The following HS6ST3 variants were observed in gnomAD, a reference collection of about 807,000 sequenced individuals.
HS6ST3 encodes the protein heparan-sulfate 6-O-sulfotransferase 3.
Under a neutral mutation model 36.7 loss-of-function variants are expected in HS6ST3, and 12 were observed. The ratio of observed to expected loss-of-function variants is 0.33; its 90% CI spans 0.21 to 0.53. HS6ST3 has a LOEUF of 0.53. Ranked by LOEUF, HS6ST3 falls within the 20% of genes least tolerant of loss-of-function variation. The pLI, the probability that HS6ST3 is intolerant of heterozygous loss-of-function variation, is 0.95. For synonymous variants in HS6ST3, 240 were observed against 257.5 expected (o/e 0.93, Z 0.65); for missense variants, 584 against 640.9 (o/e 0.91, Z 0.96).
intron 1 of HS6ST3, among the ~76,000 whole-genome samples, chr13:96,431,448 C>T (rs2055615403): frequency 6.6e-6 from 1 of 152,146 alleles, no homozygotes; most frequent in South Asian, 2.1e-4. Flanking sequence ...TGGTTTTAAC[C>T]TTTCCCTCCC....
chr13:96,739,095 T>A (rs1389242527), intron 1 of HS6ST3, among the ~76,000 whole-genome samples: 10 of 152,016 alleles, frequency 6.6e-5, no homozygotes, highest in African/African-American at 9.7e-5. Flanking sequence ...ACATTTTTTT[T>A]TTCTTCCCCT....
At chr13:96,496,401 C>T (rs529259283) in intron 1 of HS6ST3, among the ~76,000 whole-genome samples, 3 of 152,200 alleles carry the variant, frequency 2.0e-5, no homozygotes, top group South Asian at 4.1e-4. Context: ...ATCTGTATTC[C>T]GTCTTCCTGA....
chr13:96,351,335 T>TTTTTTTTTTA (rs1203595829), intron 1 of HS6ST3, among the ~76,000 whole-genome samples: 4 of 146,366 alleles, frequency 2.7e-5, no homozygotes, highest in East Asian at 2.0e-4. Context: ...TTTTTTTTTT[T>TTTTTTTTTTA]AAAAAAAACA....
chr13:96,638,865 T>TAA (rs59880862), intron 1 of HS6ST3, among the ~76,000 whole-genome samples: 6 of 149,212 alleles, frequency 4.0e-5, no homozygotes, highest in African/African-American at 1.5e-4. Context: ...TGTGGAGAAT[T>TAA]AAAAAAAAAA....
At chr13:96,117,801 T>C (rs1422417481) in intron 1 of HS6ST3, among the ~76,000 whole-genome samples, 5 of 152,106 alleles carry the variant, frequency 3.3e-5, no homozygotes, top group African/African-American at 9.7e-5. Context: ...GACATTGTTA[T>C]GGGCTGAATC....
chr13:96,091,489 C>A lies in HS6ST3; in HGVS notation c.627C>A (p.His209Gln). Reference protein sequence around the residue: ...RFSTGWSCGLHADWTELTNCV... With the variant: ...RFSTGWSCGLQADWTELTNCV... ...CCACCGGCTGGAGCTGCGGGCTGCA[C>A]GCCGACTGGACGGAGCTCACCAACT... The change falls in exon 1 of 2, where the codon CAC (histidine) becomes CAA (glutamine). Residue 209 changes from histidine to glutamine, a missense_variant. By Grantham distance (24) the His-to-Gln change is conservative (BLOSUM62 0). Coordinates refer to ENST00000376705, the MANE Select transcript of HS6ST3 (RefSeq NM_153456.4). 1 of 1,603,186 alleles carries A rather than the reference C, an allele frequency of 6.2e-7. No homozygotes were observed. The highest frequency in any genetic ancestry group is 8.5e-7 in the Non-Finnish European group (1 of 1,176,652).
At chr13:96,274,316 A>G (rs1328766009) in intron 1 of HS6ST3, among the ~76,000 whole-genome samples, 1 of 151,952 alleles carries the variant, frequency 6.6e-6, no homozygotes, top group Non-Finnish European at 1.5e-5. Flanking sequence ...AGCTTGGAAA[A>G]ATGTCAACCT....
chr13:96,090,450 A>C lies in HS6ST3; in HGVS notation c.-413A>C, dbSNP rs923870517. ...ATGCAGCCCCGGCGCTCGCGGCCGC[A>C]GCTACCCGGCTGCCCGGCTGCGCGC... On this transcript the variant is annotated 5_prime_UTR_variant, in exon 1 of 2. Coordinates refer to ENST00000376705, the MANE Select transcript of HS6ST3 (RefSeq NM_153456.4). Among the ~76,000 whole-genome samples the C allele has an allele frequency of 6.8e-6, 1 of 146,202 alleles. No individual in the cohort carries two copies. Among genetic ancestry groups the C allele is most frequent in the African/African-American group, 2.5e-5 (1 of 40,782 alleles).
chr13:96,257,706 A>G (rs1435579232), intron 1 of HS6ST3, among the ~76,000 whole-genome samples: 2 of 152,228 alleles, frequency 1.3e-5, no homozygotes, highest in Non-Finnish European at 2.9e-5. Context: ...GCTTCTACAT[A>G]TAATCAGGTA....
chr13:96,408,112 G>A (rs1000882304), intron 1 of HS6ST3, among the ~76,000 whole-genome samples: 1 of 152,028 alleles, frequency 6.6e-6, no homozygotes, highest in African/African-American at 2.4e-5. Context: ...GCTAATTTTT[G>A]CATTTTTAGT....
Position 96,249,632 on chromosome 13 carries a change from T to C in HS6ST3, c.707+158063T>C, listed in dbSNP as rs140677574. ...TCTCCCCAGTATAATCTGCTACATA[T>C]ACAATAGCTTTCTGTAGGTGAATCT... On this transcript the variant is annotated intron_variant, in intron 1 of 1. Transcript: ENST00000376705. Among the ~76,000 whole-genome samples the C allele has an allele frequency of 9.9e-3, 1,504 of 152,254 alleles. 5 individuals are homozygous for C. Among genetic ancestry groups the C allele is most frequent in the Non-Finnish European group, 0.017 (1,123 of 68,000 alleles).
chr13:96,593,275 C>T (rs1449107041), intron 1 of HS6ST3, among the ~76,000 whole-genome samples: 5 of 142,844 alleles, frequency 3.5e-5, no homozygotes, highest in African/African-American at 1.3e-4. Flanking sequence ...CCTCTGCCTC[C>T]TGGGATCAAG....
chr13:96,439,298 T>C (rs554831135), intron 1 of HS6ST3, among the ~76,000 whole-genome samples: 1 of 152,212 alleles, frequency 6.6e-6, no homozygotes, highest in African/African-American at 2.4e-5. Flanking sequence ...CCAGATGATA[T>C]GTGTATTTCT....
At chr13:96,505,916 C>T (rs2056024312) in intron 1 of HS6ST3, among the ~76,000 whole-genome samples, 1 of 152,090 alleles carries the variant, frequency 6.6e-6, no homozygotes, top group South Asian at 2.1e-4. Context: ...TAAAAGCAAT[C>T]TGTTGGTTCA....
chr13:96,687,530 C>T (rs1049573567), intron 1 of HS6ST3, among the ~76,000 whole-genome samples: 1 of 151,772 alleles, frequency 6.6e-6, no homozygotes, highest in Non-Finnish European at 1.5e-5. Context: ...AAATGAAGGG[C>T]AGAAATGATT....
rs1472337372 is a variant in HS6ST3, at chr13:96,091,269, G to T, written c.407G>T (p.Arg136Leu). Reference sequence around the variant, plus strand: ...AACTTCAGCCTGAAGGACCTGACCCGCTTCGTGGATTTCAACATCAAAGGG... The same window carrying T: ...AACTTCAGCCTGAAGGACCTGACCCTCTTCGTGGATTTCAACATCAAAGGG... ...RFNFSLKDLT[R>L]FVDFNIKGRD... The change falls in exon 1 of 2, where the codon CGC becomes CTC. Residue 136 changes from arginine to leucine, a missense_variant. Transcript: ENST00000376705. 6.2e-7 allele frequency: 1 copy of T among 1,611,456 alleles called. No individual in the cohort carries two copies. Among genetic ancestry groups the T allele is most frequent in the African/African-American group, 1.3e-5 (1 of 74,812 alleles).
intron 1 of HS6ST3, among the ~76,000 whole-genome samples, chr13:96,812,397 T>C (rs572068093): frequency 1.3e-5 from 2 of 152,226 alleles, no homozygotes; most frequent in South Asian, 4.1e-4. Context: ...TTCTAGAAAA[T>C]ATTTGAGCCC....
intron 1 of HS6ST3, among the ~76,000 whole-genome samples, chr13:96,132,806 G>A (rs890342689): frequency 6.6e-6 from 1 of 152,066 alleles, no homozygotes; most frequent in Non-Finnish European, 1.5e-5. Context: ...CTTTTTGTTA[G>A]TAGCCATTAT....
intron 1 of HS6ST3, among the ~76,000 whole-genome samples, chr13:96,381,343 CAT>C (rs917232184): frequency 1.3e-4 from 19 of 150,584 alleles, no homozygotes; most frequent in South Asian, 4.2e-4. Context: ...ATTATATATA[CAT>C]ATATATATGT....
Sources: allele counts gnomAD v4.1 joint callset (sites outside exome capture counted in the v4.1 genomes callset), GRCh38; gene constraint gnomAD v4.1.1; transcripts MANE v1.5; gene names NCBI Gene and HGNC (gene_info 2026-07-23, HGNC 2026-07-21).